Variants in PTPRM observed in about 807,000 individuals in gnomAD.
PTPRM encodes protein tyrosine phosphatase receptor type M.
A neutral mutation model predicts 186.7 loss-of-function variants in PTPRM; 47 were observed. The observed-to-expected ratio is 0.25, with a 90% CI of 0.20 to 0.32. The LOEUF is 0.32. PTPRM is among the 10% of genes least tolerant of loss of function. PTPRM has a pLI of 1.00. For missense variants in PTPRM, 1,494 were observed against 1,865.0 expected (o/e 0.80, Z 3.66); for synonymous variants, 668 against 674.9 (o/e 0.99, Z 0.16).
intron 12 of PTPRM, 37 bp from the exon 13 acceptor site, chr18:8,114,754 A>C: frequency 6.5e-7 from 1 of 1,542,644 alleles, no homozygotes; most frequent in Non-Finnish European, 8.9e-7. Context: ...TAAAGAAAAC[A>C]TGAATAATGA....
intron 5 of PTPRM, among the ~76,000 whole-genome samples, chr18:7,935,553 G>GGT (rs934078430): frequency 6.6e-5 from 10 of 152,306 alleles, no homozygotes; most frequent in African/African-American, 2.2e-4. Context: ...GTAAGCAACA[G>GGT]GTGCTGTAGG....
chr18:7,647,132 T>C (rs2038584496), intron 1 of PTPRM, among the ~76,000 whole-genome samples: 1 of 152,124 alleles, frequency 6.6e-6, no homozygotes, highest in African/African-American at 2.4e-5. Context: ...CTTATGTATT[T>C]AGCTATTGAA....
At chr18:8,393,510 C>T (rs1449530294) in intron 31 of PTPRM, among the ~76,000 whole-genome samples, 1 of 152,246 alleles carries the variant, frequency 6.6e-6, no homozygotes, top group Non-Finnish European at 1.5e-5. Context: ...ACATGCACGA[C>T]TGGATCCTGG....
intron 29 of PTPRM, 125 bp downstream of exon 29, chr18:8,380,552 AGAACTGGGGATGCT>A: frequency 8.7e-7 from 1 of 1,143,474 alleles, no homozygotes; most frequent in Non-Finnish European, 1.3e-6. Context: ...GTTGAAGTTG[AGAACTGGGGATGCT>A]GAACACAACG....
intron 1 of PTPRM, among the ~76,000 whole-genome samples, chr18:7,712,539 G>A (rs565998260): frequency 2.6e-5 from 4 of 151,994 alleles, no homozygotes; most frequent in South Asian, 2.1e-4. Context: ...CACAGAAGTA[G>A]GCTTCAAAAG....
intron 14 of PTPRM, among the ~76,000 whole-genome samples, chr18:8,236,267 C>T (rs759167173): frequency 1.3e-5 from 2 of 152,136 alleles, no homozygotes; most frequent in Non-Finnish European, 2.9e-5. Flanking sequence ...GGTGCATACA[C>T]GTTAAAAAAT....
At chr18:7,570,985 C>CTGACAG (rs1341208506) in intron 1 of PTPRM, among the ~76,000 whole-genome samples, 2 of 148,406 alleles carry the variant, frequency 1.3e-5, no homozygotes, top group Non-Finnish European at 3.0e-5. Context: ...TGTCGCCAGG[C>CTGACAG]TGGAGTACAG....
chr18:7,989,808 C>G (rs1377472343), intron 7 of PTPRM, among the ~76,000 whole-genome samples: 1 of 152,146 alleles, frequency 6.6e-6, no homozygotes, highest in African/African-American at 2.4e-5. Flanking sequence ...CTCACTTCAC[C>G]TCTCACGGGC....
At chr18:7,619,341 A>G (rs763581662) in intron 1 of PTPRM, among the ~76,000 whole-genome samples, 4 of 152,204 alleles carry the variant, frequency 2.6e-5, no homozygotes, top group African/African-American at 4.8e-5. Flanking sequence ...GACATTTTCT[A>G]AGAAAGAAAG....
intron 11 of PTPRM, among the ~76,000 whole-genome samples, chr18:8,106,524 C>T (rs1335504738): frequency 1.3e-5 from 2 of 152,146 alleles, no homozygotes; most frequent in African/African-American, 4.8e-5. Context: ...TGTACAAACC[C>T]TTATCAGATC....
At chr18:7,621,722 C>T (rs28470267) in intron 1 of PTPRM, among the ~76,000 whole-genome samples, 46,546 of 152,020 alleles carry the variant, frequency 0.31, 11,467 homozygotes, top group African/African-American at 0.68. Flanking sequence ...TCCCAAAATA[C>T]GTAGCTTTTT....
At chr18:7,912,508 CT>C (rs972733328) in intron 4 of PTPRM, among the ~76,000 whole-genome samples, 1 of 151,702 alleles carries the variant, frequency 6.6e-6, no homozygotes, top group African/African-American at 2.4e-5. Context: ...ATTCTGAATC[CT>C]TTGTACTTTC....
At chr18:7,749,643 G>A (rs1269133515) in intron 1 of PTPRM, among the ~76,000 whole-genome samples, 1 of 152,164 alleles carries the variant, frequency 6.6e-6, no homozygotes, top group Non-Finnish European at 1.5e-5. Context: ...CGATCAGTGT[G>A]AGGAGGTGGT....
intron 32 of PTPRM, among the ~76,000 whole-genome samples, chr18:8,395,200 G>A (rs1399833664): frequency 2.6e-5 from 4 of 152,082 alleles, no homozygotes; most frequent in Non-Finnish European, 5.9e-5. Flanking sequence ...AAAGGAGGAA[G>A]CTTTTAGATT....
intron 1 of PTPRM, among the ~76,000 whole-genome samples, chr18:7,704,566 T>G (rs1270744040): frequency 6.6e-6 from 1 of 152,088 alleles, no homozygotes; most frequent in Non-Finnish European, 1.5e-5. Context: ...TCTTTCTTCT[T>G]TATTAGTCTG....
chr18:7,761,709 G>A (rs2041783509), intron 1 of PTPRM, among the ~76,000 whole-genome samples: 1 of 152,044 alleles, frequency 6.6e-6, no homozygotes, highest in South Asian at 2.1e-4. Flanking sequence ...CTTCCTTGAG[G>A]ACAAGGACTT....
intron 7 of PTPRM, among the ~76,000 whole-genome samples, chr18:7,963,528 G>T (rs184110316): frequency 6.6e-6 from 1 of 152,174 alleles, no homozygotes; most frequent in Non-Finnish European, 1.5e-5. Context: ...AAAAATGAGC[G>T]TGCTAACAGT....
chr18:7,626,196 T>C (rs529583396), intron 1 of PTPRM, among the ~76,000 whole-genome samples: 3 of 152,224 alleles, frequency 2.0e-5, no homozygotes, highest in Admixed American at 6.5e-5. Flanking sequence ...CATTCTAGGC[T>C]TGCTTTTAAA....
intron 2 of PTPRM, among the ~76,000 whole-genome samples, chr18:7,860,004 T>C (rs2047283376): frequency 6.6e-6 from 1 of 152,170 alleles, no homozygotes; most frequent in Admixed American, 6.5e-5. Context: ...TTTGAGAAAA[T>C]TTATGGAGAA....
Sources: gnomAD v4.1 joint callset for allele counts (sites outside exome capture counted in the v4.1 genomes callset) on GRCh38, gnomAD v4.1.1 for gene constraint, MANE v1.5 for transcripts, NCBI Gene and HGNC (gene_info 2026-07-23, HGNC 2026-07-21) for gene names.